Variants in GRID2 observed in about 807,000 individuals in gnomAD.
GRID2 encodes the protein glutamate ionotropic receptor delta type subunit 2, also known as glutamate receptor ionotropic, delta-2.
A neutral mutation model predicts 114.8 loss-of-function variants in GRID2; 33 were observed. The observed-to-expected ratio is 0.29, with a 90% CI of 0.22 to 0.38. The LOEUF (loss-of-function observed/expected upper bound fraction) is 0.38. Among genes scored for constraint, GRID2 ranks in the 10% least tolerant of loss-of-function variants. The pLI, the probability that GRID2 is intolerant of heterozygous loss-of-function variation, is 1.00. For synonymous variants in GRID2, 505 were observed against 449.9 expected (o/e 1.12, Z -1.55); for missense variants, 1,184 against 1,257.7 (o/e 0.94, Z 0.89).
rs190156667 is a variant in GRID2, at chr4:92,600,815, G to A, written c.244+10529G>A. Among the ~76,000 whole-genome samples, 410 of 152,330 alleles carry A rather than the reference G, an allele frequency of 2.7e-3. 1 individual carries two copies. The highest frequency in any genetic ancestry group is 4.5e-3 in the Non-Finnish European group (306 of 68,038). On this transcript the variant is annotated intron_variant, in intron 2 of 15. Coordinates refer to ENST00000282020, the MANE Select transcript of GRID2 (RefSeq NM_001510.4). ...ACCTGATGCTAGCAGGAATGCTCCT[G>A]TAAAAGGTATCTGGTGACCCCTGTT...
intron 11 of GRID2, among the ~76,000 whole-genome samples, chr4:93,474,579 T>C (rs1580185698): frequency 1.3e-5 from 2 of 152,264 alleles, no homozygotes; most frequent in African/African-American, 4.8e-5. Flanking sequence ...CTATTTATTC[T>C]AGTCATTGAG....
chr4:92,744,074 A>G (rs1038799036), intron 2 of GRID2, among the ~76,000 whole-genome samples: 1 of 152,120 alleles, frequency 6.6e-6, no homozygotes, highest in South Asian at 2.1e-4. Flanking sequence ...TTGTTATGTT[A>G]TAAAAGAGGG....
At chr4:92,965,335 A>T (rs1753068398) in intron 2 of GRID2, among the ~76,000 whole-genome samples, 1 of 151,652 alleles carries the variant, frequency 6.6e-6, no homozygotes, top group Non-Finnish European at 1.5e-5. Flanking sequence ...AAAGTTTGAA[A>T]TATATTGAGA....
intron 2 of GRID2, among the ~76,000 whole-genome samples, chr4:93,025,228 A>G (rs185858515): frequency 6.6e-6 from 1 of 151,916 alleles, no homozygotes; most frequent in Admixed American, 6.6e-5. Flanking sequence ...AGTTCTCAGC[A>G]TATTTCTCTA....
At chr4:93,163,375 T>TAG (rs1560941663) in intron 4 of GRID2, among the ~76,000 whole-genome samples, 2 of 83,242 alleles carry the variant, frequency 2.4e-5, no homozygotes, top group East Asian at 5.7e-4. Context: ...TATATATATA[T>TAG]ATATATATAT....
At chr4:92,682,429 A>T (rs949713418) in intron 2 of GRID2, among the ~76,000 whole-genome samples, 8 of 152,168 alleles carry the variant, frequency 5.3e-5, no homozygotes, top group African/African-American at 1.9e-4. Flanking sequence ...CTGTGTTTTT[A>T]AAAAGCCTTT....
In GRID2 at chr4:93,187,273, CT is replaced by C. The variant is rs1041571935; in HGVS notation, c.736-20122del. ...TATTCCAGACGAATAGCTCCAAAGT[CT>C]TTTTTTTTCTTTTCTTTTTTGAGAT... On this transcript the variant is annotated intron_variant, in intron 4 of 15. Transcript: ENST00000282020. 2.6e-5 allele frequency among the ~76,000 whole-genome samples: 4 copies of C among 151,294 alleles called. No homozygotes were observed. In the East Asian group the frequency reaches 5.8e-4, roughly 22 times the overall value.
At chr4:92,429,612 T>C (rs529940578) in intron 1 of GRID2, among the ~76,000 whole-genome samples, 1 of 152,272 alleles carries the variant, frequency 6.6e-6, no homozygotes, top group Admixed American at 6.5e-5. Context: ...TGGAAAGGAA[T>C]CCAGCAGTGA....
At chr4:92,701,569 T>C (rs1734677988) in intron 2 of GRID2, among the ~76,000 whole-genome samples, 1 of 152,194 alleles carries the variant, frequency 6.6e-6, no homozygotes, top group Non-Finnish European at 1.5e-5. Flanking sequence ...GAAGAACTTT[T>C]ATTTGTTTTA....
At chr4:93,037,869 C>A (rs144583664) in intron 2 of GRID2, among the ~76,000 whole-genome samples, 1 of 152,028 alleles carries the variant, frequency 6.6e-6, no homozygotes, top group Admixed American at 6.6e-5. Flanking sequence ...AGTTAGGTAG[C>A]GTGATCCCTC....
At chr4:93,253,406 C>T (rs1001667219) in intron 8 of GRID2, among the ~76,000 whole-genome samples, 2 of 151,972 alleles carry the variant, frequency 1.3e-5, no homozygotes, top group African/African-American at 2.4e-5. Context: ...TTTACTAGTT[C>T]TAATTTTAAA....
At chr4:92,404,348 C>G (rs1283109108) in intron 1 of GRID2, among the ~76,000 whole-genome samples, 1 of 152,090 alleles carries the variant, frequency 6.6e-6, no homozygotes, top group Admixed American at 6.6e-5. Flanking sequence ...ACACCTCATA[C>G]CAGTCAGAAT....
chr4:93,097,997 A>G (rs1169666560), intron 3 of GRID2, among the ~76,000 whole-genome samples: 1 of 151,972 alleles, frequency 6.6e-6, no homozygotes, highest in Non-Finnish European at 1.5e-5. Flanking sequence ...TGTTAATTTC[A>G]GATATCTCAC....
At chr4:93,407,586 G>T (rs192792723) in intron 9 of GRID2, among the ~76,000 whole-genome samples, 248 of 152,152 alleles carry the variant, frequency 1.6e-3, no homozygotes, top group Non-Finnish European at 3.0e-3. Context: ...TGTGATCCTT[G>T]CATCATGTTT....
chr4:93,765,609 T>TATATATATATATATAC, intron 14 of GRID2, among the ~76,000 whole-genome samples: 1 of 51,270 alleles, frequency 2.0e-5, no homozygotes, highest in African/African-American at 1.3e-4. Context: ...GGTGAGGTAT[T>TATATATATATATATAC]ATATATATAT....
chr4:93,499,122 A>G (rs186147744), intron 12 of GRID2, among the ~76,000 whole-genome samples: 195 of 151,942 alleles, frequency 1.3e-3, no homozygotes, highest in African/African-American at 4.6e-3. Context: ...GAGGCTAACT[A>G]TATTCCCCGC....
chr4:92,474,996 C>A (rs1389904692), intron 1 of GRID2, among the ~76,000 whole-genome samples: 1 of 145,536 alleles, frequency 6.9e-6, no homozygotes, highest in East Asian at 2.1e-4. Context: ...GGAGGGATAG[C>A]ATTAGGAGAT....
At chr4:93,059,888 A>G (rs1181538050) in intron 2 of GRID2, among the ~76,000 whole-genome samples, 2 of 151,992 alleles carry the variant, frequency 1.3e-5, no homozygotes, top group South Asian at 2.1e-4. Context: ...CATTAAATAT[A>G]TAATCCTGAT....
chr4:92,746,693 CTT>C (rs112276381), intron 2 of GRID2, among the ~76,000 whole-genome samples: 1 of 152,174 alleles, frequency 6.6e-6, no homozygotes, highest in East Asian at 1.9e-4. Context: ...TCTGAAGAGT[CTT>C]TTTTTCTTAC....
Sources: gnomAD v4.1 joint callset for allele counts (sites outside exome capture counted in the v4.1 genomes callset) on GRCh38, gnomAD v4.1.1 for gene constraint, MANE v1.5 for transcripts, NCBI Gene and HGNC (gene_info 2026-07-23, HGNC 2026-07-21) for gene names.